Variants in NKAIN2 observed in about 807,000 individuals in gnomAD.
The protein encoded by NKAIN2 is sodium/potassium-transporting ATPase subunit beta-1-interacting protein 2.
Under a neutral mutation model 32.6 loss-of-function variants are expected in NKAIN2, and 14 were observed. The ratio of observed to expected loss-of-function variants is 0.43; its 90% confidence interval spans 0.28 to 0.67. The LOEUF is 0.67. NKAIN2 is among the 30% of genes least tolerant of loss of function. NKAIN2 has a pLI of 0.17. For missense variants in NKAIN2, 198 were observed against 258.3 expected, an observed-to-expected ratio of 0.77 and a Z score of 1.60; for synonymous variants, 80 against 87.2, an observed-to-expected ratio of 0.92 and a Z score of 0.46.
intron 1 of NKAIN2, among the ~76,000 whole-genome samples, chr6:124,221,722 A>G (rs972621401): frequency 6.6e-6 from 1 of 152,154 alleles, no homozygotes; most frequent in African/African-American, 2.4e-5. Flanking sequence ...AGAGGCCATA[A>G]CCATCTGGAA....
intron 3 of NKAIN2, among the ~76,000 whole-genome samples, chr6:124,398,973 A>ATGGAG: frequency 6.6e-6 from 1 of 152,218 alleles, no homozygotes; most frequent in East Asian, 1.9e-4. Context: ...CTTGCCCAGG[A>ATGGAG]TGGAGTGGAG....
At chr6:124,812,535 A>G (rs1780951639) in intron 5 of NKAIN2, among the ~76,000 whole-genome samples, 1 of 152,164 alleles carries the variant, frequency 6.6e-6, no homozygotes, top group Admixed American at 6.6e-5. Flanking sequence ...ATCAGGTAGA[A>G]ATAGGTTGCA....
intron 4 of NKAIN2, among the ~76,000 whole-genome samples, chr6:124,670,518 T>G (rs966037620): frequency 2.0e-5 from 3 of 152,108 alleles, no homozygotes; most frequent in African/African-American, 7.2e-5. Context: ...TAAGTGAGAT[T>G]AAATCTGAGT....
chr6:124,679,110 G>A (rs926260904), intron 4 of NKAIN2, among the ~76,000 whole-genome samples: 1 of 152,024 alleles, frequency 6.6e-6, no homozygotes, highest in African/African-American at 2.4e-5. Flanking sequence ...AGGACTCCAA[G>A]ACAGTCAAGA....
chr6:124,616,238 G>C (rs1418631525), intron 3 of NKAIN2, among the ~76,000 whole-genome samples: 3 of 151,818 alleles, frequency 2.0e-5, no homozygotes. Flanking sequence ...GCCTGTGTTT[G>C]TTCCCTGTTC....
At chr6:123,866,825 C>A (rs1199779656) in intron 1 of NKAIN2, among the ~76,000 whole-genome samples, 1 of 152,166 alleles carries the variant, frequency 6.6e-6, no homozygotes, top group Non-Finnish European at 1.5e-5. Flanking sequence ...GATAGCCTTA[C>A]TTTCTCTTAT....
intron 1 of NKAIN2, among the ~76,000 whole-genome samples, chr6:123,867,115 C>T (rs1772568093): frequency 6.6e-6 from 1 of 152,208 alleles, no homozygotes; most frequent in Admixed American, 6.5e-5. Context: ...CCATCCGTAT[C>T]TAATCAGCTA....
intron 1 of NKAIN2, among the ~76,000 whole-genome samples, chr6:124,078,419 C>A (rs557660853): frequency 2.0e-5 from 3 of 151,866 alleles, no homozygotes; most frequent in Non-Finnish European, 2.9e-5. Context: ...AAATATTAAC[C>A]CATTGACTCT....
chr6:124,224,847 C>G (rs1469140564), intron 1 of NKAIN2, among the ~76,000 whole-genome samples: 1 of 151,972 alleles, frequency 6.6e-6, no homozygotes, highest in Non-Finnish European at 1.5e-5. Context: ...ATTTTTAGTG[C>G]TCATGACGAC....
At chr6:124,631,727 CT>C (rs1562294982) in intron 3 of NKAIN2, among the ~76,000 whole-genome samples, 1 of 152,148 alleles carries the variant, frequency 6.6e-6, no homozygotes, top group Non-Finnish European at 1.5e-5. Context: ...ATCCCTCAGA[CT>C]TTTGATGTCT....
chr6:124,390,331 T>C (rs920581989), intron 3 of NKAIN2, among the ~76,000 whole-genome samples: 2 of 152,084 alleles, frequency 1.3e-5, no homozygotes, highest in Non-Finnish European at 2.9e-5. Context: ...ATTTCAATAC[T>C]CTAGCAATTA....
chr6:124,744,194 T>C (rs894843118), intron 4 of NKAIN2, among the ~76,000 whole-genome samples: 1 of 151,910 alleles, frequency 6.6e-6, no homozygotes, highest in African/African-American at 2.4e-5. Context: ...ACTGCAAAGA[T>C]AAACCTGAAT....
chr6:124,795,896 TG>T, intron 5 of NKAIN2, among the ~76,000 whole-genome samples: 1 of 152,152 alleles, frequency 6.6e-6, no homozygotes, highest in African/African-American at 2.4e-5. Flanking sequence ...AAATATGAAT[TG>T]GGGAGGGACA....
At chr6:124,518,803 C>T (rs1779018999) in intron 3 of NKAIN2, among the ~76,000 whole-genome samples, 1 of 152,124 alleles carries the variant, frequency 6.6e-6, no homozygotes, top group Admixed American at 6.6e-5. Flanking sequence ...ATCGTTTTGA[C>T]TATATTCACA....
chr6:124,344,247 G>C (rs1357419502), intron 2 of NKAIN2, among the ~76,000 whole-genome samples: 3 of 152,112 alleles, frequency 2.0e-5, no homozygotes, highest in Admixed American at 1.3e-4. Context: ...TTGTAGTATA[G>C]TTTGAAGTCA....
intron 3 of NKAIN2, among the ~76,000 whole-genome samples, chr6:124,653,134 T>A (rs963123069): frequency 1.3e-5 from 2 of 152,142 alleles, no homozygotes; most frequent in African/African-American, 4.8e-5. Flanking sequence ...TTTATGGATG[T>A]TGGCAAACTG....
intron 1 of NKAIN2, among the ~76,000 whole-genome samples, chr6:124,098,504 G>A (rs905649180): frequency 3.9e-5 from 6 of 152,238 alleles, no homozygotes; most frequent in South Asian, 4.2e-4. Flanking sequence ...AGGAGGAATG[G>A]GTTTTGAGAT....
chr6:124,536,991 C>A (rs1417737493), intron 3 of NKAIN2, among the ~76,000 whole-genome samples: 1 of 152,140 alleles, frequency 6.6e-6, no homozygotes, highest in Non-Finnish European at 1.5e-5. Context: ...ACATGGATAA[C>A]CCAACCCAAC....
rs1301564995 is a variant in NKAIN2, at chr6:123,894,772, G to A, written c.54+90518G>A. Among the ~76,000 whole-genome samples the A allele has an allele frequency of 2.6e-5, 4 of 152,128 alleles. No homozygotes were observed. In the East Asian group the frequency reaches 7.8e-4, roughly 30 times the overall value. On this transcript the variant is annotated intron_variant, in intron 1 of 6. Transcript: ENST00000368417. ...ATGTGAATGCGGGGAAGGGGCAGGG[G>A]ATGAAGGAGGAGATTCCCCTGAACT...
Sources: allele counts gnomAD v4.1 joint callset (sites outside exome capture counted in the v4.1 genomes callset), GRCh38; gene constraint gnomAD v4.1.1; transcripts MANE v1.5; gene names NCBI Gene and HGNC (gene_info 2026-07-23, HGNC 2026-07-21).